Variants in CTNNA3 observed in about 807,000 individuals in gnomAD.
CTNNA3 encodes catenin alpha-3.
A neutral mutation model predicts 95.7 loss-of-function variants in CTNNA3; 76 were observed. The observed-to-expected ratio is 0.79, with a 90% CI of 0.66 to 0.96. The LOEUF (loss-of-function observed/expected upper bound fraction) is 0.96, where lower values mean the gene tolerates loss of function less well. CTNNA3 is among the 40% of genes least tolerant of loss of function. CTNNA3 has a pLI of 0.00. For synonymous variants in CTNNA3, 431 were observed against 374.4 expected (o/e 1.15, Z -1.74); for missense variants, 1,191 against 1,089.8 (o/e 1.09, Z -1.31).
intron 11 of CTNNA3, among the ~76,000 whole-genome samples, chr10:66,424,790 G>T (rs1232685236): frequency 6.6e-6 from 1 of 152,010 alleles, no homozygotes; most frequent in Non-Finnish European, 1.5e-5. Flanking sequence ...ACTTTGGGAT[G>T]ACTTGTTCAA....
intron 13 of CTNNA3, among the ~76,000 whole-genome samples, chr10:66,190,004 T>G (rs925464537): frequency 6.6e-6 from 1 of 152,076 alleles, no homozygotes; most frequent in South Asian, 2.1e-4. Context: ...AGGAAAATAA[T>G]TTTTAAAGAT....
At chr10:66,880,046 G>C (rs1440541410) in intron 7 of CTNNA3, among the ~76,000 whole-genome samples, 1 of 152,088 alleles carries the variant, frequency 6.6e-6, no homozygotes, top group Non-Finnish European at 1.5e-5. Flanking sequence ...GCAACGTTCA[G>C]AATGTACTAT....
At chr10:66,389,657 A>C (rs1432318818) in intron 11 of CTNNA3, among the ~76,000 whole-genome samples, 1 of 152,028 alleles carries the variant, frequency 6.6e-6, no homozygotes, top group African/African-American at 2.4e-5. Flanking sequence ...AGCACAATAA[A>C]ATTTTGAAAT....
rs1247138370 is a variant in CTNNA3 at position 67,483,509 on chromosome 10, T to C, written c.579+38333A>G. Among the ~76,000 whole-genome samples, 6 of 150,622 alleles carry C rather than the reference T, an allele frequency of 4.0e-5. No individual in the cohort carries two copies. In the East Asian group the frequency reaches 1.2e-3, roughly 30 times the overall value. ...GGAAATCATCATTCTCAGTAAACTA[T>C]CACAAGGACAAAAAACCAAACACCG... On this transcript the variant is annotated intron_variant, in intron 5 of 17. Transcript: ENST00000433211.
intron 7 of CTNNA3, among the ~76,000 whole-genome samples, chr10:66,793,016 C>T (rs1187337407): frequency 2.6e-5 from 4 of 152,096 alleles, no homozygotes; most frequent in African/African-American, 9.7e-5. Flanking sequence ...AAGTCAGAAA[C>T]TTACCAAAAT....
intron 5 of CTNNA3, among the ~76,000 whole-genome samples, chr10:67,322,005 T>C (rs1841340264): frequency 6.6e-6 from 1 of 152,062 alleles, no homozygotes; most frequent in Non-Finnish European, 1.5e-5. Flanking sequence ...GCCACACAGA[T>C]CACAAACCTG....
At position 65,988,637 on chromosome 10, in the gene CTNNA3, A is replaced by G. The variant is rs538123518; in HGVS notation, c.2265+55T>C. ...TAACTTTGCCTAAATCAATGTTCTA[A>G]TGGCAAAGAGCAATTAGCATGAACT... On this transcript the variant is annotated intron_variant, in intron 16 of 17. Coordinates refer to ENST00000433211, the MANE Select transcript of CTNNA3 (RefSeq NM_013266.4). 6.3e-5 allele frequency: 88 copies of G among 1,402,694 alleles called. No homozygotes were observed. The Admixed American group carries it at 1.5e-3, about 24-fold the overall frequency. The allele number at this position is 1,402,694 out of a possible 1,614,324, so 86.9% of individuals were successfully genotyped here.
At chr10:67,727,651 TTATATATGATATATAATATA>T (rs1564841764) in intron 1 of CTNNA3, among the ~76,000 whole-genome samples, 1 of 128,136 alleles carries the variant, frequency 7.8e-6, no homozygotes, top group African/African-American at 2.9e-5. Flanking sequence ...TATTATTATA[TTATATATGATATATAATATA>T]ATATATAAAT....
At chr10:66,116,241 T>C (rs1472894356) in intron 13 of CTNNA3, among the ~76,000 whole-genome samples, 1 of 152,206 alleles carries the variant, frequency 6.6e-6, no homozygotes, top group Non-Finnish European at 1.5e-5. Flanking sequence ...CACAGACTTG[T>C]CCTGACCAAA....
At chr10:67,352,158 G>T (rs1006223560) in intron 5 of CTNNA3, among the ~76,000 whole-genome samples, 2 of 151,940 alleles carry the variant, frequency 1.3e-5, no homozygotes, top group African/African-American at 4.8e-5. Flanking sequence ...GTGTGATCGG[G>T]TACGGGGACA....
At chr10:65,955,450 AT>A (rs533191091) in intron 17 of CTNNA3, among the ~76,000 whole-genome samples, 47 of 152,316 alleles carry the variant, frequency 3.1e-4, no homozygotes, top group African/African-American at 1.1e-3. Flanking sequence ...GAGAGAAGGC[AT>A]CCCTGTCTTG....
upstream of CTNNA3, among the ~76,000 whole-genome samples, chr10:67,696,713 CA>C (rs80303065): frequency 0.23 from 33,494 of 148,130 alleles, 4,289 homozygotes; most frequent in East Asian, 0.52. Context: ...TTTAAGCCAC[CA>C]AAAAAAAAAG....
chr10:66,613,395 G>A (rs1018077190), intron 10 of CTNNA3, among the ~76,000 whole-genome samples: 2 of 152,092 alleles, frequency 1.3e-5, no homozygotes, highest in South Asian at 2.1e-4. Flanking sequence ...CTTCATGGAT[G>A]CTCCCAGTAG....
intron 5 of CTNNA3, among the ~76,000 whole-genome samples, chr10:67,230,513 G>A (rs746382294): frequency 6.6e-6 from 1 of 152,078 alleles, no homozygotes; most frequent in Non-Finnish European, 1.5e-5. Flanking sequence ...ACAATCCACA[G>A]AATGGGAGAA....
chr10:66,928,496 T>G (rs1847200270), intron 7 of CTNNA3: 3 of 1,523,600 alleles, frequency 2.0e-6, no homozygotes, highest in Non-Finnish European at 2.6e-6. Flanking sequence ...AGCTGGGAAA[T>G]AAGTGGTGCT....
intron 9 of CTNNA3, among the ~76,000 whole-genome samples, chr10:66,697,981 T>C (rs2132560435): frequency 6.6e-6 from 1 of 152,266 alleles, no homozygotes; most frequent in Admixed American, 6.5e-5. Context: ...TTCAGGTGAC[T>C]ATTCTGACTG....
chr10:67,281,273 G>A (rs1228534538), intron 5 of CTNNA3, among the ~76,000 whole-genome samples: 1 of 152,162 alleles, frequency 6.6e-6, no homozygotes, highest in South Asian at 2.1e-4. Flanking sequence ...TAACAAAAAT[G>A]TTCACTTAAA....
chr10:67,513,478 C>A (rs1839707511), intron 5 of CTNNA3, among the ~76,000 whole-genome samples: 1 of 152,198 alleles, frequency 6.6e-6, no homozygotes, highest in Admixed American at 6.5e-5. Context: ...ACTGCACCCA[C>A]ATCTTTTATT....
intron 7 of CTNNA3, among the ~76,000 whole-genome samples, chr10:67,156,274 CTT>C (rs1301381311): frequency 1.3e-5 from 2 of 151,738 alleles, no homozygotes; most frequent in African/African-American, 4.8e-5. Context: ...TCTATGTTCT[CTT>C]GTATTTATTT....
Sources: gnomAD v4.1 joint callset for allele counts (sites outside exome capture counted in the v4.1 genomes callset) on GRCh38, gnomAD v4.1.1 for gene constraint, MANE v1.5 for transcripts, NCBI Gene and HGNC (gene_info 2026-07-23, HGNC 2026-07-21) for gene names.